Variants in FUT9 observed in about 807,000 individuals in gnomAD.
FUT9 encodes the protein 4-galactosyl-N-acetylglucosaminide 3-alpha-L-fucosyltransferase 9.
A neutral mutation model predicts 29.7 loss-of-function variants in FUT9; 15 were observed. That is an observed-to-expected ratio of 0.51 (90% confidence interval 0.34 to 0.78). FUT9 has a LOEUF of 0.78. Ranked by LOEUF, FUT9 falls within the 30% of genes least tolerant of loss-of-function variation. The pLI, the probability that FUT9 is intolerant of heterozygous loss-of-function variation, is 0.01. For missense variants in FUT9, 319 were observed against 425.4 expected (o/e 0.75, Z 2.20); for synonymous variants, 169 against 153.7 (o/e 1.10, Z -0.74).
intron 2 of FUT9, among the ~76,000 whole-genome samples, chr6:96,199,354 A>G (rs1400021540): frequency 6.6e-6 from 1 of 152,136 alleles, no homozygotes; most frequent in East Asian, 1.9e-4. Flanking sequence ...CGTACAAAGT[A>G]GAGGTTACTG....
At chr6:96,068,936 A>G (rs1771006607) in intron 1 of FUT9, among the ~76,000 whole-genome samples, 1 of 152,344 alleles carries the variant, frequency 6.6e-6, no homozygotes, top group Middle Eastern at 3.4e-3. Context: ...GTTAAAATCC[A>G]AAGACTTTTT....
chr6:96,050,659 A>G (rs1343466096), intron 1 of FUT9, among the ~76,000 whole-genome samples: 19 of 152,226 alleles, frequency 1.2e-4, no homozygotes, highest in Non-Finnish European at 2.1e-4. Flanking sequence ...ACCACACTTT[A>G]AGTAGCATTG....
rs1773767345 is a variant in FUT9 at position 96,203,535 on chromosome 6, C to T, written c.380C>T (p.Pro127Leu). Reference protein sequence around the residue: ...LTNLPQQARPPFQKWIWMNLE... With the variant: ...LTNLPQQARPLFQKWIWMNLE... ...AATTTACCTCAGCAAGCTAGGCCAC[C>T]CTTCCAGAAATGGATTTGGATGAAT... is the stretch of plus-strand genomic sequence containing the variant. Residue 127 changes from proline (P) to leucine (L), a missense_variant, in exon 3 of 3, where the codon CCC (proline) becomes CTC (leucine). Pro to Leu is a moderately conservative substitution (Grantham distance 98). Coordinates refer to ENST00000302103, the MANE Select transcript of FUT9 (RefSeq NM_006581.4). 1.2e-6 allele frequency: 2 copies of T among 1,613,624 alleles called. No individual in the cohort carries two copies. The highest frequency in any genetic ancestry group is 1.7e-6 in the Non-Finnish European group (2 of 1,179,932).
intron 1 of FUT9, among the ~76,000 whole-genome samples, chr6:96,066,829 G>A (rs1464510064): frequency 6.6e-6 from 1 of 152,214 alleles, no homozygotes; most frequent in Non-Finnish European, 1.5e-5. Context: ...AATATTCAGA[G>A]AAACTGTGTG....
At chr6:96,022,704 C>T (rs1770091590) in intron 1 of FUT9, among the ~76,000 whole-genome samples, 1 of 151,836 alleles carries the variant, frequency 6.6e-6, no homozygotes, top group Non-Finnish European at 1.5e-5. Context: ...AAGCGAGGTT[C>T]ATAGGACCCC....
chr6:96,164,247 C>A (rs7756759), intron 2 of FUT9, among the ~76,000 whole-genome samples: 130,431 of 142,586 alleles, frequency 0.91, 60,805 homozygotes, highest in Non-Finnish European at 1. Context: ...TTTGGAGATC[C>A]AGGTTCTTTT....
At chr6:96,178,686 T>C (rs2127985287) in intron 2 of FUT9, among the ~76,000 whole-genome samples, 1 of 152,276 alleles carries the variant, frequency 6.6e-6, no homozygotes, top group South Asian at 2.1e-4. Flanking sequence ...TTTAGAATTA[T>C]TTATGGGTTT....
rs147309894 is a variant in FUT9 at position 96,176,996 on chromosome 6, C to T, written c.-8-26152C>T. Among the ~76,000 whole-genome samples, 54 of 152,238 alleles carry T rather than the reference C, an allele frequency of 3.5e-4. 1 individual carries two copies. Among genetic ancestry groups the T allele is most frequent in the African/African-American group, 1.3e-3 (52 of 41,558 alleles). ...ACCCATACTATACATAAAACAAGGG[C>T]AATTTGGAGAACTGTCTCAAGATCT... On this transcript the variant is annotated intron_variant, in intron 2 of 2. Coordinates refer to ENST00000302103, the MANE Select transcript of FUT9 (RefSeq NM_006581.4).
At chr6:96,164,026 C>T (rs1296564516) in intron 2 of FUT9, among the ~76,000 whole-genome samples, 2 of 152,104 alleles carry the variant, frequency 1.3e-5, no homozygotes, top group African/African-American at 4.8e-5. Flanking sequence ...TGGCTTTATA[C>T]ATTTTAGGGA....
At chr6:96,188,588 A>G (rs1773445918) in intron 2 of FUT9, among the ~76,000 whole-genome samples, 1 of 151,858 alleles carries the variant, frequency 6.6e-6, no homozygotes, top group African/African-American at 2.4e-5. Context: ...TAAAGGAATT[A>G]TTACCTGCAA....
chr6:96,153,149 T>G (rs189023196), intron 2 of FUT9, among the ~76,000 whole-genome samples: 3 of 152,314 alleles, frequency 2.0e-5, no homozygotes, highest in African/African-American at 7.2e-5. Context: ...ACAAAAAGTA[T>G]TTAATTGTCA....
chr6:96,127,244 A>G (rs969407239), intron 2 of FUT9, among the ~76,000 whole-genome samples: 10 of 152,100 alleles, frequency 6.6e-5, no homozygotes, highest in Non-Finnish European at 1.3e-4. Context: ...CTTTGTGTAC[A>G]TGTGTACTCA....
Position 96,113,535 on chromosome 6 carries a change from G to A in FUT9, c.-97-504G>A, listed in dbSNP as rs569329831. On this transcript the variant is annotated intron_variant, in intron 1 of 2. Transcript: ENST00000302103. ...AGTACAGGCATGAGACATTGCGCCC[G>A]ACCATCAATAACATTTTTGTAAAAT... is the stretch of plus-strand genomic sequence containing the variant. Among the ~76,000 whole-genome samples, 6 of 148,220 alleles carry A rather than the reference G, an allele frequency of 4.0e-5. No homozygotes were observed. In the South Asian group the frequency reaches 7.1e-4, roughly 18 times the overall value.
rs1445466559 is a variant in FUT9 at position 96,205,131 on chromosome 6, T to C, written c.*896T>C. On this transcript the variant is annotated 3_prime_UTR_variant, in exon 3 of 3. Transcript: ENST00000302103. ...TGTTTAATTATGTATCAATTTAAGATTTTTTTCTGAAGCCCTAATATTTAA... is the reference window on the plus strand; with the variant it reads ...TGTTTAATTATGTATCAATTTAAGACTTTTTTCTGAAGCCCTAATATTTAA... 6.1e-6 allele frequency: 1 copy of C among 165,140 alleles called. No individual in the cohort carries two copies. Among genetic ancestry groups the C allele is most frequent in the African/African-American group, 2.4e-5 (1 of 41,350 alleles). The allele number at this position is 165,140 out of a possible 1,614,324, so 10.2% of individuals were successfully genotyped here. A position where few individuals can be genotyped will look rare whatever the true frequency, so the allele number is the denominator to read the frequency against.
At chr6:96,058,786 T>G (rs1439967124) in intron 1 of FUT9, among the ~76,000 whole-genome samples, 1 of 152,156 alleles carries the variant, frequency 6.6e-6, no homozygotes, top group Non-Finnish European at 1.5e-5. Flanking sequence ...ATACTTGGCT[T>G]GGTTTATAGT....
At chr6:96,056,061 A>C (rs1371052505) in intron 1 of FUT9, among the ~76,000 whole-genome samples, 1 of 152,228 alleles carries the variant, frequency 6.6e-6, no homozygotes, top group East Asian at 1.9e-4. Flanking sequence ...CTACTTTTAA[A>C]AAAGAATTTA....
intron 1 of FUT9, among the ~76,000 whole-genome samples, chr6:96,056,241 A>G (rs1344581055): frequency 3.9e-5 from 6 of 152,152 alleles, no homozygotes; most frequent in Admixed American, 3.9e-4. Flanking sequence ...TCTGCTTTCA[A>G]CTTTTCAAAT....
intron 2 of FUT9, among the ~76,000 whole-genome samples, chr6:96,146,570 A>G (rs1772571501): frequency 6.6e-6 from 1 of 152,206 alleles, no homozygotes; most frequent in Non-Finnish European, 1.5e-5. Flanking sequence ...CATATGGTAA[A>G]TGTTATTTGC....
At chr6:96,115,121 A>G (rs1235375457) in intron 2 of FUT9, among the ~76,000 whole-genome samples, 1 of 152,228 alleles carries the variant, frequency 6.6e-6, no homozygotes, top group Non-Finnish European at 1.5e-5. Flanking sequence ...GTGACACAAA[A>G]TATGATTTAA....
Sources: allele counts gnomAD v4.1 joint callset (sites outside exome capture counted in the v4.1 genomes callset), GRCh38; gene constraint gnomAD v4.1.1; transcripts MANE v1.5; gene names NCBI Gene and HGNC (gene_info 2026-07-23, HGNC 2026-07-21).